The following NOX1 variants were observed in gnomAD, a reference collection of about 807,000 sequenced individuals.
NOX1 encodes the protein NADPH oxidase 1, also known as NADH/NADPH mitogenic oxidase subunit P65-MOX.
In NOX1, 34 loss-of-function variants were observed where a neutral mutation model predicts 42.5. That is an observed-to-expected ratio of 0.80 (90% CI 0.61 to 1.07). NOX1 has a LOEUF of 1.07. NOX1 is among the 50% of genes least tolerant of loss of function. The probability of loss-of-function intolerance (pLI) is 0.00; values close to 1 mark genes in which losing one functional copy is unlikely to be tolerated. For missense variants in NOX1, 408 were observed against 427.0 expected (o/e 0.96, Z 0.39); for synonymous variants, 143 against 152.5 (o/e 0.94, Z 0.46).
chrX:100,871,080 T>C (rs1360004966), intron 1 of NOX1, among the ~76,000 whole-genome samples: 1 of 112,297 alleles, frequency 8.9e-6, no homozygotes, highest in Non-Finnish European at 1.9e-5. Flanking sequence ...AAGCTCAGAA[T>C]TGTTTTTTAT....
Position 100,856,152 on chromosome X carries a change from G to A in NOX1, c.805-4827C>T, listed in dbSNP as rs1233070003. 3 of 915,822 alleles carry A rather than the reference G, an allele frequency of 3.3e-6. No individual in the cohort carries two copies. The East Asian group carries it at 9.2e-5, about 28-fold the overall frequency. 75.5% of individuals were successfully genotyped at this position (915,822 alleles called of 1,213,427 possible). On this transcript the variant is annotated intron_variant, in intron 7 of 12. Coordinates refer to ENST00000372966, the MANE Select transcript of NOX1 (RefSeq NM_007052.5). ...TCCACAACTTTTCCATCCACCTTGT[G>A]TGGCCTTGCGTTCGTGGCTGCATCC... is the stretch of plus-strand genomic sequence containing the variant.
intron 7 of NOX1, among the ~76,000 whole-genome samples, chrX:100,853,324 C>CTTTT: frequency 4.9e-5 from 1 of 20,412 alleles, no homozygotes; most frequent in South Asian, 2.1e-3. Flanking sequence ...CTTTCTTTCT[C>CTTTT]TCTCTTTCTC....
rs369462131 is a variant in NOX1, at chrX:100,855,518, G to A, written c.805-4193C>T. ...TGCTTCCACTACCACTGCCAAAGCC[G>A]CCTCTGCCTCCCTTGTTACAGCTGT... On this transcript the variant is annotated intron_variant, in intron 7 of 12. Transcript: ENST00000372966. 4.0e-4 allele frequency: 287 copies of A among 723,264 alleles called. No homozygotes were observed. The African/African-American group carries it at 4.0e-3, about 10-fold the overall frequency. The allele number at this position is 723,264 out of a possible 1,213,427, so 59.6% of individuals were successfully genotyped here.
chrX:100,871,963 A>G (rs2085277719), intron 1 of NOX1, among the ~76,000 whole-genome samples: 1 of 111,904 alleles, frequency 8.9e-6, no homozygotes, highest in Admixed American at 9.5e-5. Context: ...AATTTTCTAA[A>G]CCTCAATTTC....
intron 1 of NOX1, 116 bp downstream of exon 1, chrX:100,873,976 TTGA>T (rs2085291696): frequency 2.0e-6 from 1 of 503,152 alleles, no homozygotes; most frequent in South Asian, 4.3e-5. Flanking sequence ...CTAACTGGTC[TTGA>T]TGAGCCCAAT....
At chrX:100,856,714 A>G (rs1477324386) in intron 7 of NOX1, among the ~76,000 whole-genome samples, 1 of 109,887 alleles carries the variant, frequency 9.1e-6, no homozygotes, top group Non-Finnish European at 1.9e-5. Flanking sequence ...CTGGAACCAG[A>G]GTCGTGCACC....
chrX:100,865,648 G>A (rs2085232355), intron 2 of NOX1, among the ~76,000 whole-genome samples: 1 of 112,890 alleles, frequency 8.9e-6, no homozygotes, highest in Non-Finnish European at 1.9e-5. Flanking sequence ...GCATATCAAT[G>A]CAATGAATTG....
In NOX1 at chrX:100,849,263, G is replaced by A; in HGVS notation, c.1443+17C>T. On this transcript the variant is annotated intron_variant, in intron 11 of 12. Transcript: ENST00000372966. The stretch of plus-strand genomic sequence containing the variant: ...TCTTATGTTTAGTAGGGGAATTAGT[G>A]TGTTATTTGGACTCACAATATTGCT... 1 of 1,206,524 alleles carries A rather than the reference G, an allele frequency of 8.3e-7. No individual in the cohort carries two copies. Among genetic ancestry groups the A allele is most frequent in the Middle Eastern group, 2.3e-4 (1 of 4,269 alleles).
At position 100,870,513 on chromosome X, in the gene NOX1, A is replaced by G. The variant is rs1014126116; in HGVS notation, c.141+206T>C. Among the ~76,000 whole-genome samples, 7 of 111,976 alleles carry G rather than the reference A, an allele frequency of 6.3e-5. 1 individual carries two copies. In the Admixed American group the frequency reaches 6.7e-4, roughly 11 times the overall value. ...GACTTTTTAAAATAAATATTTTAGT[A>G]TACCTGTGTTTCATACAGTATTTGG... On this transcript the variant is annotated intron_variant, in intron 2 of 12. Coordinates refer to ENST00000372966, the MANE Select transcript of NOX1 (RefSeq NM_007052.5).
At chrX:100,862,114 G>A (rs2085207105) in intron 7 of NOX1, 57 bp downstream of exon 7, 3 of 1,129,182 alleles carry the variant, frequency 2.7e-6, no homozygotes, top group Non-Finnish European at 3.6e-6. Flanking sequence ...GTAATAATAA[G>A]AATAATAACA....
rs181780450 is a variant in NOX1, at chrX:100,866,002, C to T, written c.142-2407G>A. 3.2e-4 allele frequency among the ~76,000 whole-genome samples: 36 copies of T among 111,896 alleles called. No individual in the cohort carries two copies. In the East Asian group the frequency reaches 5.9e-3, roughly 18 times the overall value. On this transcript the variant is annotated intron_variant, in intron 2 of 12. Transcript: ENST00000372966. Reference sequence around the variant, plus strand: ...TTGGGAGACCAAAGCGGGTGGATCACTTGAGGTCAGGAGTTTGAGATCAGC... The same window carrying T: ...TTGGGAGACCAAAGCGGGTGGATCATTTGAGGTCAGGAGTTTGAGATCAGC...
At chrX:100,871,026 C>G (rs974694316) in intron 1 of NOX1, among the ~76,000 whole-genome samples, 4 of 112,295 alleles carry the variant, frequency 3.6e-5, no homozygotes, top group Non-Finnish European at 7.5e-5. Flanking sequence ...GCAGGGTCAG[C>G]AAACTGAGGC....
At chrX:100,867,708 G>T (rs1198347773) in intron 2 of NOX1, among the ~76,000 whole-genome samples, 1 of 108,304 alleles carries the variant, frequency 9.2e-6, no homozygotes, top group Non-Finnish European at 1.9e-5. Context: ...TGCCAGCCTG[G>T]GTAACAGAGA....
chrX:100,843,488 T>C lies in NOX1; in HGVS notation c.*464A>G. ...TTTTGTTTATTATTTATGTTTATTA[T>C]TATGTTTTATCATTAATTATTCAAT... On this transcript the variant is annotated 3_prime_UTR_variant, in exon 13 of 13. Transcript: ENST00000372966. The C allele has an allele frequency of 9.4e-7, 1 of 1,064,155 alleles. No homozygotes were observed. The highest frequency in any genetic ancestry group is 1.2e-6 in the Non-Finnish European group (1 of 818,891). 87.7% of individuals were successfully genotyped at this position (1,064,155 alleles called of 1,213,427 possible). A position where few individuals can be genotyped will look rare whatever the true frequency, so the allele number is the denominator to read the frequency against.
chrX:100,847,185 T>G (rs772111082), intron 12 of NOX1, among the ~76,000 whole-genome samples: 1 of 109,883 alleles, frequency 9.1e-6, no homozygotes, highest in East Asian at 2.9e-4. Flanking sequence ...CAAGACTGTG[T>G]CTCGAGAAAA....
chrX:100,851,774 C>T (rs985586946), intron 7 of NOX1, among the ~76,000 whole-genome samples: 1 of 110,660 alleles, frequency 9.0e-6, no homozygotes, highest in African/African-American at 3.3e-5. Flanking sequence ...ATTAGCTGCG[C>T]GTGGTGGTGC....
intron 7 of NOX1, among the ~76,000 whole-genome samples, chrX:100,853,885 G>T (rs922849952): frequency 2.7e-5 from 3 of 110,043 alleles, no homozygotes; most frequent in African/African-American, 9.8e-5. Flanking sequence ...GCTCACGCCT[G>T]TAATCCCAAC....
intron 2 of NOX1, among the ~76,000 whole-genome samples, 160 bp downstream of exon 2, chrX:100,870,558 AT>A (rs2085267835): frequency 8.9e-6 from 1 of 111,996 alleles, no homozygotes. Context: ...ACATAAAAAA[AT>A]AATTTGTCAT....
intron 7 of NOX1, among the ~76,000 whole-genome samples, chrX:100,853,296 T>TTCTTTCTTTCTCTCTCTCTCTTTC (rs1556128490): frequency 3.1e-5 from 2 of 63,846 alleles, no homozygotes; most frequent in Non-Finnish European, 5.9e-5. Flanking sequence ...CTTTCTTTCT[T>TTCTTTCTTTCTCTCTCTCTCTTTC]TCTTTCTTTC....
Sources: allele counts gnomAD v4.1 joint callset (sites outside exome capture counted in the v4.1 genomes callset), GRCh38; gene constraint gnomAD v4.1.1; transcripts MANE v1.5; gene names NCBI Gene and HGNC (gene_info 2026-07-23, HGNC 2026-07-21).